Variants in CHD1L observed in about 807,000 individuals in gnomAD.
CHD1L encodes ATP-dependent chromatin remodeler CHD1L.
Under a neutral mutation model 115.9 loss-of-function variants are expected in CHD1L, and 118 were observed. The observed-to-expected ratio is 1.02, with a 90% CI of 0.88 to 1.19. The LOEUF (loss-of-function observed/expected upper bound fraction) is 1.19, where lower values mean the gene tolerates loss of function less well. CHD1L is among the 50% of genes most tolerant of loss of function. The pLI is 0.00. For missense variants in CHD1L, 1,179 were observed against 1,065.3 expected (o/e 1.11, Z -1.49); for synonymous variants, 411 against 387.1 (o/e 1.06, Z -0.72).
In CHD1L at chr1:147,267,464, C is replaced by T. The variant is rs1674398726; in HGVS notation, c.934C>T (p.Gln312Ter). Residue 312 changes from glutamine (Q) to a stop codon, truncating the protein, a stop_gained, in exon 9 of 23, where the codon CAG becomes TAG. Transcript: ENST00000369258. LOFTEE classifies it high-confidence loss of function. ...ENETAKKVKL[Q>*]NILSQLRKCV... ...TGAGACGGCAAAGAAAGTTAAACTA[C>T]AGAACATTTTGTCCCAGCTTCGAAA... 6.2e-7 allele frequency: 1 copy of T among 1,612,756 alleles called. No homozygotes were observed. Among genetic ancestry groups the T allele is most frequent in the African/African-American group, 1.3e-5 (1 of 74,804 alleles).
chr1:147,290,917 C>T lies in CHD1L; in HGVS notation c.2321-565C>T, dbSNP rs587674959. Among the ~76,000 whole-genome samples, 116 of 152,210 alleles carry T rather than the reference C, an allele frequency of 7.6e-4. 1 individual carries two copies. The highest frequency in any genetic ancestry group is 2.6e-3 in the African/African-American group (110 of 41,538). On this transcript the variant is annotated intron_variant, in intron 19 of 22. Transcript: ENST00000369258. Reference sequence around the variant, plus strand: ...ATCCTCCCACCTCAGCCTCCCAAAGCACTGGGATTATAGTCATGAGTCACT... The same window carrying T: ...ATCCTCCCACCTCAGCCTCCCAAAGTACTGGGATTATAGTCATGAGTCACT...
At chr1:147,203,766 T>C in the CHD1L span, 1 of 1,535,660 alleles carries the variant, frequency 6.5e-7, no homozygotes, top group Non-Finnish European at 9.0e-7. Flanking sequence ...TCTACTGCCC[T>C]TTCTATGTCA....
chr1:147,177,681 T>C, the CHD1L span, among the ~76,000 whole-genome samples: 2 of 152,092 alleles, frequency 1.3e-5, no homozygotes, highest in Non-Finnish European at 2.9e-5. Flanking sequence ...TGAAGAAATA[T>C]CAGACAATCT....
chr1:147,218,318 C>T, the CHD1L span, among the ~76,000 whole-genome samples: 4 of 151,640 alleles, frequency 2.6e-5, no homozygotes, highest in Admixed American at 2.0e-4. Context: ...TCCCTGCAAC[C>T]TCTGCCTCCT....
chr1:147,295,176 T>A (rs1162227990), intron 22 of CHD1L, among the ~76,000 whole-genome samples: 1 of 152,238 alleles, frequency 6.6e-6, no homozygotes, highest in Non-Finnish European at 1.5e-5. Flanking sequence ...GTCTTCAAGA[T>A]ATTTAAATCA....
intron 2 of CHD1L, among the ~76,000 whole-genome samples, chr1:147,253,854 CTG>C (rs1208200641): frequency 6.6e-6 from 1 of 152,242 alleles, no homozygotes; most frequent in Admixed American, 6.5e-5. Context: ...AACAGTGTCA[CTG>C]TAATTTTTTA....
chr1:147,206,594 T>A, the CHD1L span, among the ~76,000 whole-genome samples: 3 of 152,158 alleles, frequency 2.0e-5, no homozygotes, highest in South Asian at 2.1e-4. Context: ...TAAAAAATGA[T>A]GAGTTCATGT....
At chr1:147,178,844 G>T in the CHD1L span, 4 of 1,587,730 alleles carry the variant, frequency 2.5e-6, no homozygotes, top group Non-Finnish European at 3.5e-6. Context: ...TTTGGTATCT[G>T]CCCTCACATG....
At chr1:147,247,913 C>T (rs1410774506) in intron 1 of CHD1L, among the ~76,000 whole-genome samples, 3 of 152,118 alleles carry the variant, frequency 2.0e-5, no homozygotes, top group African/African-American at 4.8e-5. Flanking sequence ...AAAGTTTCTC[C>T]GAATGATGCA....
At chr1:147,228,455 T>C in the CHD1L span, among the ~76,000 whole-genome samples, 1 of 152,264 alleles carries the variant, frequency 6.6e-6, no homozygotes, top group Non-Finnish European at 1.5e-5. Flanking sequence ...CTGTGAATAC[T>C]ACCACAATAA....
In CHD1L at chr1:147,284,392, G is replaced by A; in HGVS notation, c.1747G>A (p.Glu583Lys). The stretch of plus-strand genomic sequence containing the variant: ...ATTTGAAGGTAAAGATTATTCTAAA[G>A]AGCCCAGTAAGGAAGACAGAAAATC... ...YLFEGKDYSK[E>K]PSKEDRKSFE... Residue 583 changes from glutamate to lysine, a missense_variant, in exon 16 of 23, where the codon GAG becomes AAG. Glu to Lys is a moderately conservative substitution (Grantham distance 56). Coordinates refer to ENST00000369258, the MANE Select transcript of CHD1L (RefSeq NM_004284.6). 1 of 1,600,752 alleles carries A rather than the reference G, an allele frequency of 6.2e-7. No individual in the cohort carries two copies.
At chr1:147,213,093 A>G in the CHD1L span, among the ~76,000 whole-genome samples, 2 of 152,226 alleles carry the variant, frequency 1.3e-5, no homozygotes, top group Non-Finnish European at 2.9e-5. Context: ...AAGTCATTGT[A>G]AAACTAAATA....
Position 147,294,480 on chromosome 1 carries a change from C to T in CHD1L, c.2578C>T (p.Arg860Trp), listed in dbSNP as rs139712616. Residue 860 changes from arginine to tryptophan, a missense_variant, in exon 22 of 23, where the codon CGG becomes TGG. Physicochemically the swap from Arg to Trp is moderately radical, Grantham distance 101. Coordinates refer to ENST00000369258, the MANE Select transcript of CHD1L (RefSeq NM_004284.6). ...CTGGTATGGTACTGAGCGACTTATT[C>T]GGAAACATCTGGCTGCAAGAGGCAT... ...FNWYGTERLI[R>W]KHLAARGIPT... 32 of 1,612,790 alleles carry T rather than the reference C, an allele frequency of 2.0e-5. No individual in the cohort carries two copies. The highest frequency in any genetic ancestry group is 4.5e-5 in the East Asian group (2 of 44,820).
chr1:147,260,171 A>C, intron 6 of CHD1L: 1 of 305,568 alleles, frequency 3.3e-6, no homozygotes, highest in Non-Finnish European at 6.2e-6. Context: ...CTATCACTCA[A>C]AGTCCATAGT....
At chr1:147,281,505 A>G (rs114618267) in intron 15 of CHD1L, among the ~76,000 whole-genome samples, 44 of 152,280 alleles carry the variant, frequency 2.9e-4, no homozygotes, top group Non-Finnish European at 5.1e-4. Flanking sequence ...GGATAGGTGG[A>G]AAAGTTGGAA....
chr1:147,277,222 T>C (rs1184973860), intron 14 of CHD1L, among the ~76,000 whole-genome samples: 4 of 152,014 alleles, frequency 2.6e-5, no homozygotes, highest in African/African-American at 9.7e-5. Flanking sequence ...AGAGGCAGAC[T>C]CAGACAAAAG....
intron 6 of CHD1L, 151 bp downstream of exon 6, chr1:147,260,069 T>G: frequency 1.8e-6 from 1 of 564,368 alleles, no homozygotes; most frequent in Non-Finnish European, 3.1e-6. Context: ...AGCTGTCCCC[T>G]GTCCCCACAC....
the CHD1L span, among the ~76,000 whole-genome samples, chr1:147,193,839 A>G: frequency 6.6e-6 from 1 of 152,038 alleles, no homozygotes; most frequent in Non-Finnish European, 1.5e-5. Flanking sequence ...TTTAGTCCTG[A>G]GTTCTAGTTT....
chr1:147,229,976 C>G, the CHD1L span, among the ~76,000 whole-genome samples: 1 of 146,900 alleles, frequency 6.8e-6, no homozygotes, highest in Admixed American at 6.8e-5. Flanking sequence ...TTGACTTCCT[C>G]TTTTCCTAAT....
Sources: allele counts gnomAD v4.1 joint callset (sites outside exome capture counted in the v4.1 genomes callset), GRCh38; gene constraint gnomAD v4.1.1; transcripts MANE v1.5; gene names NCBI Gene and HGNC (gene_info 2026-07-23, HGNC 2026-07-21).